ALKBH1: variants seen among roughly 807,000 people sequenced by gnomAD.
The protein encoded by ALKBH1 is nucleic acid dioxygenase ALKBH1.
A neutral mutation model predicts 36.6 loss-of-function variants in ALKBH1; 31 were observed. The observed-to-expected ratio is 0.85, with a 90% CI of 0.64 to 1.14. The LOEUF is 1.14. Among genes scored for constraint, ALKBH1 ranks in the 50% most tolerant of loss-of-function variants. ALKBH1 has a pLI of 0.00. For missense variants in ALKBH1, 490 were observed against 497.3 expected, an observed-to-expected ratio of 0.99 and a Z score of 0.14; for synonymous variants, 183 against 186.6, an observed-to-expected ratio of 0.98 and a Z score of 0.16.
chr14:77,685,989 A>G (rs1406315472), intron 3 of ALKBH1, among the ~76,000 whole-genome samples: 1 of 152,194 alleles, frequency 6.6e-6, no homozygotes, highest in African/African-American at 2.4e-5. Flanking sequence ...TTAGACCCTC[A>G]TTTTATATTC....
At chr14:77,674,853 A>C (rs2080196436) in intron 5 of ALKBH1, among the ~76,000 whole-genome samples, 1 of 152,136 alleles carries the variant, frequency 6.6e-6, no homozygotes, top group African/African-American at 2.4e-5. Flanking sequence ...TGCCCAGCCT[A>C]TTGATGTGTC....
At chr14:77,687,367 C>A (rs1227112922) in intron 3 of ALKBH1, among the ~76,000 whole-genome samples, 3 of 152,198 alleles carry the variant, frequency 2.0e-5, no homozygotes, top group Non-Finnish European at 4.4e-5. Flanking sequence ...TTCAAGTCCT[C>A]TTCTGAACTT....
chr14:77,693,190 G>A (rs2080307320), intron 3 of ALKBH1, among the ~76,000 whole-genome samples: 1 of 144,982 alleles, frequency 6.9e-6, no homozygotes, highest in South Asian at 2.2e-4. Context: ...TGGGCAACAA[G>A]AGCGAAACTC....
intron 2 of ALKBH1, among the ~76,000 whole-genome samples, chr14:77,700,986 T>G (rs1014728743): frequency 6.6e-6 from 1 of 152,080 alleles, no homozygotes; most frequent in African/African-American, 2.4e-5. Flanking sequence ...TCCCAGCTAC[T>G]AGGCAGGCTG....
chr14:77,691,574 A>G (rs2080297248), intron 3 of ALKBH1, among the ~76,000 whole-genome samples: 1 of 152,212 alleles, frequency 6.6e-6, no homozygotes, highest in African/African-American at 2.4e-5. Context: ...CACGTATCAC[A>G]TAGTGATACA....
At chr14:77,706,703 G>T (rs1191306928) in intron 1 of ALKBH1, among the ~76,000 whole-genome samples, 1 of 152,162 alleles carries the variant, frequency 6.6e-6, no homozygotes, top group African/African-American at 2.4e-5. Context: ...GTAGGTAAAA[G>T]GAGCTGAATG....
chr14:77,684,636 C>T (rs1476002127), intron 3 of ALKBH1, among the ~76,000 whole-genome samples: 1 of 152,224 alleles, frequency 6.6e-6, no homozygotes, highest in Non-Finnish European at 1.5e-5. Flanking sequence ...TCACAGCTTG[C>T]TGCAGGCTCA....
chr14:77,673,014 T>C lies in ALKBH1; in HGVS notation c.*798A>G, dbSNP rs1344607962. 6.6e-6 allele frequency: 1 copy of C among 152,168 alleles called. No homozygotes were observed. Among genetic ancestry groups the C allele is most frequent in the Admixed American group, 6.5e-5 (1 of 15,274 alleles). 9.4% of individuals were successfully genotyped at this position (152,168 alleles called of 1,614,324 possible). A position where few individuals can be genotyped will look rare whatever the true frequency, so the allele number is the denominator to read the frequency against. Reference sequence around the variant, plus strand: ...CAGAAAAAAAAACCTTAATCCCAGATAGACTAAACCCCAAAGACAGATATA... The same window carrying C: ...CAGAAAAAAAAACCTTAATCCCAGACAGACTAAACCCCAAAGACAGATATA... On this transcript the variant is annotated 3_prime_UTR_variant, in exon 6 of 6. Coordinates refer to ENST00000216489, the MANE Select transcript of ALKBH1 (RefSeq NM_006020.3).
At position 77,707,899 on chromosome 14, in the gene ALKBH1, C is replaced by G. The variant is rs1487685977; in HGVS notation, c.106G>C (p.Gly36Arg). Residue 36 changes from glycine (G) to arginine (R), a missense_variant, in exon 1 of 6, where the codon GGG becomes CGG. Transcript: ENST00000216489. The stretch of plus-strand genomic sequence containing the variant: ...ATGACCCCTTCCAGGTCTGCGGTCC[C>G]GGGCCGGCTCTGACGGTAGAAGCGG... ...LFRFYRQSRP[G>R]TADLEGVIDF... is the part of the protein sequence containing the mutation. The G allele has an allele frequency of 6.2e-7, 1 of 1,613,378 alleles. No individual in the cohort carries two copies. Among genetic ancestry groups the G allele is most frequent in the African/African-American group, 1.3e-5 (1 of 74,928 alleles).
At chr14:77,686,901 C>T (rs559511907) in intron 3 of ALKBH1, among the ~76,000 whole-genome samples, 23 of 152,300 alleles carry the variant, frequency 1.5e-4, no homozygotes, top group Non-Finnish European at 2.9e-4. Flanking sequence ...GGATTACAGG[C>T]GTAAGCCACT....
intron 5 of ALKBH1, among the ~76,000 whole-genome samples, 194 bp downstream of exon 5, chr14:77,675,462 T>G (rs1390009865): frequency 1.3e-5 from 2 of 151,554 alleles, no homozygotes. Context: ...AAAATAAAAA[T>G]AAAATAAAAG....
intron 3 of ALKBH1, among the ~76,000 whole-genome samples, chr14:77,684,852 T>G (rs1206010857): frequency 1.3e-5 from 2 of 152,156 alleles, no homozygotes; most frequent in Admixed American, 6.6e-5. Context: ...CCAGCCTCAT[T>G]TTATGAAGAA....
chr14:77,680,659 T>C (rs2080231752), intron 3 of ALKBH1, among the ~76,000 whole-genome samples: 2 of 149,588 alleles, frequency 1.3e-5, no homozygotes, highest in Middle Eastern at 3.2e-3. Flanking sequence ...TCTGATCAAA[T>C]CTATGTGATT....
chr14:77,693,224 A>AAAAAAT (rs369220185), intron 3 of ALKBH1, among the ~76,000 whole-genome samples: 3 of 126,410 alleles, frequency 2.4e-5, no homozygotes, highest in African/African-American at 6.1e-5. Context: ...AAAAAAAAAA[A>AAAAAAT]TTTTTTTTCA....
intron 2 of ALKBH1, among the ~76,000 whole-genome samples, chr14:77,699,247 C>T (rs986174917): frequency 2.6e-5 from 4 of 152,152 alleles, no homozygotes; most frequent in Non-Finnish European, 5.9e-5. Context: ...TGGAAATATC[C>T]TTAGGGAGAA....
intron 3 of ALKBH1, among the ~76,000 whole-genome samples, chr14:77,693,272 C>G (rs569778988): frequency 6.8e-6 from 1 of 146,194 alleles, no homozygotes; most frequent in South Asian, 2.2e-4. Flanking sequence ...AGGCTGGTAA[C>G]TCCAGGCCTC....
intron 4 of ALKBH1, among the ~76,000 whole-genome samples, chr14:77,676,850 T>C (rs187724162): frequency 1.3e-5 from 2 of 152,310 alleles, no homozygotes; most frequent in East Asian, 1.9e-4. Flanking sequence ...TAGTGGCAAT[T>C]TGACTGGTCA....
At chr14:77,687,790 G>T (rs7146719) in intron 3 of ALKBH1, among the ~76,000 whole-genome samples, 44,092 of 150,850 alleles carry the variant, frequency 0.29, 6,720 homozygotes, top group Non-Finnish European at 0.32. Context: ...CCTGTGCTGA[G>T]GCTTCCTGGG....
chr14:77,705,657 T>C (rs936437943), intron 1 of ALKBH1, among the ~76,000 whole-genome samples: 2 of 152,202 alleles, frequency 1.3e-5, no homozygotes, highest in Admixed American at 1.3e-4. Flanking sequence ...GATGGCTCAT[T>C]ACATTGGTTA....
Sources: gnomAD v4.1 joint callset for allele counts (sites outside exome capture counted in the v4.1 genomes callset) on GRCh38, gnomAD v4.1.1 for gene constraint, MANE v1.5 for transcripts, NCBI Gene and HGNC (gene_info 2026-07-23, HGNC 2026-07-21) for gene names.